Variants in MYH4 observed in about 807,000 individuals in gnomAD.
The protein encoded by MYH4 is myosin-4.
A neutral mutation model predicts 229.9 loss-of-function variants in MYH4; 200 were observed. That is an observed-to-expected ratio of 0.87 (90% confidence interval 0.78 to 0.98). The LOEUF (loss-of-function observed/expected upper bound fraction) is 0.98. Ranked by LOEUF, MYH4 falls within the 50% of genes least tolerant of loss-of-function variation. The pLI, the probability that MYH4 is intolerant of heterozygous loss-of-function variation, is 0.00. For missense variants in MYH4, 2,148 were observed against 2,332.6 expected, an observed-to-expected ratio of 0.92 and a Z score of 1.63; for synonymous variants, 761 against 834.6, an observed-to-expected ratio of 0.91 and a Z score of 1.52.
intron 17 of MYH4, among the ~76,000 whole-genome samples, chr17:10,456,254 A>G (rs527381658): frequency 2.6e-5 from 4 of 152,330 alleles, no homozygotes; most frequent in East Asian, 1.9e-4. Context: ...CTCAGGGGCA[A>G]TGGTTCACGT....
Position 10,457,518 on chromosome 17 carries a change from T to C in MYH4, c.1799A>G (p.Asn600Ser). The change falls in exon 16 of 40, where the codon AAC becomes AGC. Residue 600 changes from asparagine to serine, a missense_variant. Transcript: ENST00000255381. ...CACAGTCTCATTCAGGGGGTCCTTG[T>C]TTTTGTCCAGCCAGCCGGCGATGTT... ...DYNIAGWLDKNKDPLNETVVG... is the reference protein window; with the variant it reads ...DYNIAGWLDKSKDPLNETVVG... The C allele has an allele frequency of 6.2e-7, 1 of 1,614,216 alleles. No individual in the cohort carries two copies. The highest frequency in any genetic ancestry group is 8.5e-7 in the Non-Finnish European group (1 of 1,180,034).
At chr17:10,457,862 G>C in intron 15 of MYH4, 133 bp from the exon 16 acceptor site, 5 of 1,228,586 alleles carry the variant, frequency 4.1e-6, no homozygotes, top group South Asian at 1.6e-5. Flanking sequence ...CATGACATGT[G>C]AAGCAGTCAT....
intron 15 of MYH4, 141 bp downstream of exon 15, chr17:10,459,110 A>G (rs2072672694): frequency 7.3e-7 from 1 of 1,376,434 alleles, no homozygotes; most frequent in Admixed American, 2.1e-5. Context: ...ATCACTTGGA[A>G]CATACCTCAC....
chr17:10,460,905 G>A lies in MYH4; in HGVS notation c.1147+11C>T. 1 of 1,613,458 alleles carries A rather than the reference G, an allele frequency of 6.2e-7. No individual in the cohort carries two copies. The highest frequency in any genetic ancestry group is 8.5e-7 in the Non-Finnish European group (1 of 1,179,644). On this transcript the variant is annotated intron_variant, in intron 12 of 39. Coordinates refer to ENST00000255381, the MANE Select transcript of MYH4 (RefSeq NM_017533.2). Reference sequence around the variant, plus strand: ...CTTTGTCAAGTGGAAGATACCAACAGGGGGTGGTACCTTCCGTGCCATCTG... The same window carrying A: ...CTTTGTCAAGTGGAAGATACCAACAAGGGGTGGTACCTTCCGTGCCATCTG...
At chr17:10,460,540 CTG>C (rs2072689814) in intron 12 of MYH4, among the ~76,000 whole-genome samples, 2 of 152,276 alleles carry the variant, frequency 1.3e-5, no homozygotes, top group African/African-American at 4.8e-5. Context: ...GGAATCGATG[CTG>C]TCTGTGATAT....
Position 10,457,498 on chromosome 17 carries a change from T to C in MYH4, c.1819A>G (p.Thr607Ala). The change falls in exon 16 of 40, where the codon ACT becomes GCT. Residue 607 changes from threonine to alanine, a missense_variant. Physicochemically the swap from Thr to Ala is moderately conservative, Grantham distance 58. Coordinates refer to ENST00000255381, the MANE Select transcript of MYH4 (RefSeq NM_017533.2). ...LDKNKDPLNE[T>A]VVGLYQKSAM... ...GACTTCTGGTACAGCCCCACCACAG[T>C]CTCATTCAGGGGGTCCTTGTTTTTG... 6.2e-7 allele frequency: 1 copy of C among 1,614,134 alleles called. No individual in the cohort carries two copies. Among genetic ancestry groups the C allele is most frequent in the Non-Finnish European group, 8.5e-7 (1 of 1,180,012 alleles).
At chr17:10,462,724 T>G in intron 11 of MYH4, 141 bp downstream of exon 11, 1 of 581,668 alleles carries the variant, frequency 1.7e-6, no homozygotes, top group Non-Finnish European at 2.8e-6. Flanking sequence ...TATCCTACAA[T>G]TTTTTTCCAA....
chr17:10,464,882 CTAAT>C (rs2072745860), intron 5 of MYH4, among the ~76,000 whole-genome samples, 174 bp from the exon 6 acceptor site: 1 of 152,178 alleles, frequency 6.6e-6, no homozygotes, highest in Non-Finnish European at 1.5e-5. Context: ...CAAAGATGTG[CTAAT>C]TAATAATCCC....
chr17:10,454,433 T>C (rs1391668066), intron 22 of MYH4, 122 bp downstream of exon 22: 6 of 1,315,996 alleles, frequency 4.6e-6, no homozygotes, highest in Non-Finnish European at 6.3e-6. Context: ...ATTGCTTCTT[T>C]ATGCCCGAGT....
In MYH4 at chr17:10,462,892, A is replaced by G. The variant is rs761983619; in HGVS notation, c.981T>C (p.Asp327=). The G allele has an allele frequency of 6.2e-7, 1 of 1,614,016 alleles. No homozygotes were observed. Among genetic ancestry groups the G allele is most frequent in the Non-Finnish European group, 8.5e-7 (1 of 1,179,930 alleles). Residue 327 remains aspartate, a synonymous_variant, in exon 11 of 40, where the codon GAT becomes GAC. Coordinates refer to ENST00000255381, the MANE Select transcript of MYH4 (RefSeq NM_017533.2). The part of the protein sequence containing the change: ...SQGEITVPSI[D]DQEELMATDS... The stretch of plus-strand genomic sequence containing the variant: ...CTGTGGCCATCAGCTCTTCCTGGTC[A>G]TCAATGCTGGGCACAGTAATTTCCC...
At chr17:10,457,770 A>G in intron 15 of MYH4, 41 bp from the exon 16 acceptor site, 3 of 1,579,732 alleles carry the variant, frequency 1.9e-6, no homozygotes, top group Non-Finnish European at 1.7e-6. Flanking sequence ...TGAGTCCCTC[A>G]GAAAGTTATG....
intron 11 of MYH4, among the ~76,000 whole-genome samples, chr17:10,462,562 G>A (rs1173703891): frequency 6.6e-6 from 1 of 152,078 alleles, no homozygotes; most frequent in Non-Finnish European, 1.5e-5. Context: ...AAATAGCAGA[G>A]AAACATTAAT....
At chr17:10,461,199 G>T in intron 11 of MYH4, 145 bp from the exon 12 acceptor site, 1 of 887,136 alleles carries the variant, frequency 1.1e-6, no homozygotes, top group Non-Finnish European at 1.7e-6. Flanking sequence ...GTACTCATAT[G>T]CTTTACCTTT....
At chr17:10,458,673 G>A (rs574606370) in intron 15 of MYH4, among the ~76,000 whole-genome samples, 5 of 152,258 alleles carry the variant, frequency 3.3e-5, no homozygotes, top group African/African-American at 1.2e-4. Flanking sequence ...TGCTTGATGA[G>A]TGTTAACATA....
Position 10,445,346 on chromosome 17 carries a change from T to C in MYH4, c.5186A>G (p.Asn1729Ser), listed in dbSNP as rs780182993. Residue 1729 changes from asparagine (N) to serine (S), a missense_variant, in exon 36 of 40, where the codon AAC (asparagine) becomes AGC (serine). Transcript: ENST00000255381. ...GTCTGTTTCCAGCTTCTTCTTGGTG[T>C]TGATCAGGCTGGTGTTCTGTTTCAA... is the stretch of plus-strand genomic sequence containing the variant. ...LLHTQNTSLI[N>S]TKKKLETDIS... 6.2e-7 allele frequency: 1 copy of C among 1,613,520 alleles called. No homozygotes were observed. Among genetic ancestry groups the C allele is most frequent in the Non-Finnish European group, 8.5e-7 (1 of 1,179,916 alleles).
At position 10,455,938 on chromosome 17, in the gene MYH4, A is replaced by G. The variant is rs760757920; in HGVS notation, c.1969-37T>C. ...TATGAAAAGTTTTAAAATCATTTCT[A>G]GTTGCATCGACATGAGAGTCCCTAT... On this transcript the variant is annotated intron_variant, in intron 17 of 39. Transcript: ENST00000255381. The G allele has an allele frequency of 9.3e-6, 15 of 1,612,482 alleles. No homozygotes were observed. The African/African-American group carries it at 1.5e-4, about 16-fold the overall frequency.
At chr17:10,451,545 G>T in intron 27 of MYH4, 93 bp from the exon 28 acceptor site, 1 of 1,352,366 alleles carries the variant, frequency 7.4e-7, no homozygotes, top group South Asian at 1.5e-5. Flanking sequence ...GAAAGGGGCT[G>T]ATTTTTATTT....
Position 10,457,547 on chromosome 17 carries a change from G to A in MYH4, c.1770C>T (p.Asp590=), listed in dbSNP as rs777946243. The change falls in exon 16 of 40, where the codon GAC becomes GAT. Residue 590 remains aspartate (D), a synonymous_variant. Transcript: ENST00000255381. ...FSLVHYAGTV[D]YNIAGWLDKN... is the part of the protein sequence containing the mutation. ...TGTCCAGCCAGCCGGCGATGTTGTA[G>A]TCCACGGTGCCGGCATAGTGCACCA... 1.8e-5 allele frequency: 29 copies of A among 1,614,096 alleles called. No individual in the cohort carries two copies. Among genetic ancestry groups the A allele is most frequent in the South Asian group, 1.1e-5 (1 of 91,090 alleles).
chr17:10,452,577 G>C, intron 25 of MYH4, 71 bp from the exon 26 acceptor site: 8 of 1,469,654 alleles, frequency 5.4e-6, no homozygotes, highest in Non-Finnish European at 7.5e-6. Flanking sequence ...TATAATCTAA[G>C]ACTTTTTTTA....
Sources: allele counts gnomAD v4.1 joint callset (sites outside exome capture counted in the v4.1 genomes callset), GRCh38; gene constraint gnomAD v4.1.1; transcripts MANE v1.5; gene names NCBI Gene and HGNC (gene_info 2026-07-23, HGNC 2026-07-21).